TNFSF8: variants seen among roughly 807,000 people sequenced by gnomAD.
TNFSF8 encodes the protein tumor necrosis factor ligand superfamily member 8.
Under a neutral mutation model 22.0 loss-of-function variants are expected in TNFSF8, and 4 were observed. The observed-to-expected ratio is 0.18, with a 90% CI of 0.09 to 0.42. TNFSF8 has a LOEUF of 0.42. TNFSF8 is among the 10% of genes least tolerant of loss of function. TNFSF8 has a pLI of 1.00. For missense variants in TNFSF8, 233 were observed against 281.8 expected (o/e 0.83, Z 1.24); for synonymous variants, 106 against 112.5 (o/e 0.94, Z 0.37).
At chr9:114,924,270 A>C (rs1424488148) in intron 1 of TNFSF8, among the ~76,000 whole-genome samples, 1 of 152,246 alleles carries the variant, frequency 6.6e-6, no homozygotes, top group Non-Finnish European at 1.5e-5. Flanking sequence ...ACACTTTAAA[A>C]AGCAAAGTTC....
At chr9:114,893,947 G>C in exon 5 of TNFSF8, 1 of 700,818 alleles carries the variant, frequency 1.4e-6, no homozygotes, top group East Asian at 2.7e-5. Flanking sequence ...GTTTGTGGGG[G>C]GTGAACCGTT....
At position 114,903,818 on chromosome 9, in the gene TNFSF8, A is replaced by G; in HGVS notation, c.*113T>C. The G allele has an allele frequency of 6.7e-7, 1 of 1,502,078 alleles. No individual in the cohort carries two copies. The highest frequency in any genetic ancestry group is 8.8e-7 in the Non-Finnish European group (1 of 1,133,576). The allele number at this position is 1,502,078 out of a possible 1,614,324, so 93.0% of individuals were successfully genotyped here. A position where few individuals can be genotyped will look rare whatever the true frequency, so the allele number is the denominator to read the frequency against. On this transcript the variant is annotated 3_prime_UTR_variant, in exon 4 of 4. Coordinates refer to ENST00000223795, the MANE Select transcript of TNFSF8 (RefSeq NM_001244.4). ...GACAGAAGGAGAAGTATACTATTTA[A>G]TACCCTGTGTAGTTTGTCTTGGTCT...
intron 2 of TNFSF8, among the ~76,000 whole-genome samples, chr9:114,910,480 T>C (rs1322056): frequency 0.57 from 86,795 of 151,960 alleles, 26,733 homozygotes; most frequent in African/African-American, 0.8. Flanking sequence ...GCTTCTGACT[T>C]CTAATCCAGG....
At chr9:114,926,793 G>A (rs925838191) in intron 1 of TNFSF8, among the ~76,000 whole-genome samples, 1 of 151,970 alleles carries the variant, frequency 6.6e-6, no homozygotes, top group Non-Finnish European at 1.5e-5. Context: ...ATCTGTCAAT[G>A]GTGGTTATCT....
In TNFSF8 at chr9:114,901,462, C is replaced by T. The variant is rs1827716220; in HGVS notation, c.*2469G>A. ...AGTGCAAAAGTCAGGTACCTCTGCTCAGAGAACAGTTGGTGAAAAATGAAA... is the reference window on the plus strand; with the variant it reads ...AGTGCAAAAGTCAGGTACCTCTGCTTAGAGAACAGTTGGTGAAAAATGAAA... On this transcript the variant is annotated 3_prime_UTR_variant, in exon 4 of 4. Transcript: ENST00000223795. 1.0e-6 allele frequency: 1 copy of T among 985,354 alleles called. No individual in the cohort carries two copies. The highest frequency in any genetic ancestry group is 1.2e-6 in the Non-Finnish European group (1 of 829,924). 61.0% of individuals were successfully genotyped at this position (985,354 alleles called of 1,614,324 possible).
chr9:114,909,185 G>T (rs1352086413), intron 2 of TNFSF8, among the ~76,000 whole-genome samples: 1 of 152,200 alleles, frequency 6.6e-6, no homozygotes, highest in Non-Finnish European at 1.5e-5. Flanking sequence ...GTCATCAGCC[G>T]TGTGGCCTGA....
chr9:114,913,397 C>G (rs1169526044), intron 2 of TNFSF8, among the ~76,000 whole-genome samples: 1 of 152,196 alleles, frequency 6.6e-6, no homozygotes, highest in Non-Finnish European at 1.5e-5. Context: ...CTCTAGAACC[C>G]TCGCCATGGA....
intron 1 of TNFSF8, among the ~76,000 whole-genome samples, chr9:114,927,214 C>A (rs1188306340): frequency 6.6e-6 from 1 of 151,144 alleles, no homozygotes; most frequent in East Asian, 1.9e-4. Flanking sequence ...AAAAATATCA[C>A]AGGAAAGAAG....
At chr9:114,899,346 T>TTTA (rs1554775958), downstream of TNFSF8, among the ~76,000 whole-genome samples, 81 of 143,534 alleles carry the variant, frequency 5.6e-4, no homozygotes, top group Non-Finnish European at 2.7e-4. Flanking sequence ...TAAGTTATTA[T>TTTA]TTTTTTTTTT....
At chr9:114,897,883 T>G (rs1481363213), downstream of TNFSF8, among the ~76,000 whole-genome samples, 1 of 152,142 alleles carries the variant, frequency 6.6e-6, no homozygotes, top group Non-Finnish European at 1.5e-5. Flanking sequence ...GCGTGGAATG[T>G]GGAGTTAGGC....
At chr9:114,899,437 T>A (rs557800388), downstream of TNFSF8, among the ~76,000 whole-genome samples, 70 of 151,690 alleles carry the variant, frequency 4.6e-4, no homozygotes, top group African/African-American at 1.7e-3. Flanking sequence ...CATTATACTA[T>A]ACATTGAGTG....
At chr9:114,913,824 TTACTAAGTAC>T (rs1827881717) in intron 2 of TNFSF8, among the ~76,000 whole-genome samples, 1 of 152,186 alleles carries the variant, frequency 6.6e-6, no homozygotes. Context: ...CATGAGTGAA[TTACTAAGTAC>T]TCAGCCAATT....
At chr9:114,922,627 C>T (rs1485998320) in intron 1 of TNFSF8, among the ~76,000 whole-genome samples, 1 of 152,150 alleles carries the variant, frequency 6.6e-6, no homozygotes, top group Non-Finnish European at 1.5e-5. Context: ...CTTCAATGTC[C>T]TGCTACATTG....
chr9:114,899,350 T>TA (rs1400786889), downstream of TNFSF8, among the ~76,000 whole-genome samples: 2 of 147,262 alleles, frequency 1.4e-5, no homozygotes, highest in Admixed American at 6.6e-5. Context: ...TTATTATTTT[T>TA]TTTTTTTTTT....
At chr9:114,919,000 T>C (rs1827953908) in intron 1 of TNFSF8, among the ~76,000 whole-genome samples, 1 of 150,914 alleles carries the variant, frequency 6.6e-6, no homozygotes, top group Admixed American at 6.6e-5. Flanking sequence ...AATAATCAAG[T>C]ATATCATAAA....
chr9:114,925,696 ATTATTT>A (rs1196703749), intron 1 of TNFSF8, among the ~76,000 whole-genome samples: 1 of 152,118 alleles, frequency 6.6e-6, no homozygotes, highest in Non-Finnish European at 1.5e-5. Flanking sequence ...TATTATTATT[ATTATTT>A]TTAAAAAAAG....
chr9:114,916,127 G>A (rs1827915147), intron 2 of TNFSF8, among the ~76,000 whole-genome samples: 1 of 152,030 alleles, frequency 6.6e-6, no homozygotes, highest in African/African-American at 2.4e-5. Flanking sequence ...AATAACTCTG[G>A]CAAAAAACAA....
rs370420527 is a variant in TNFSF8, at chr9:114,893,955, G to A, written c.*124C>T. ...TGATTCTGTTTGTGGGGGGTGAACCGTTTCCTGGCTATGTCGGTTTAGGCC... is the reference window on the plus strand; with the variant it reads ...TGATTCTGTTTGTGGGGGGTGAACCATTTCCTGGCTATGTCGGTTTAGGCC... On this transcript the variant is annotated 3_prime_UTR_variant, in exon 5 of 5. Coordinates refer to the TNFSF8 transcript ENST00000618336. The A allele has an allele frequency of 6.7e-4, 509 of 763,316 alleles. 8 individuals carry two copies. Among genetic ancestry groups the A allele is most frequent in the South Asian group, 5.4e-3 (341 of 62,604 alleles). The allele number at this position is 763,316 out of a possible 1,614,324, so 47.3% of individuals were successfully genotyped here.
At chr9:114,921,180 A>G (rs1055112747) in intron 1 of TNFSF8, among the ~76,000 whole-genome samples, 4 of 152,192 alleles carry the variant, frequency 2.6e-5, no homozygotes, top group Non-Finnish European at 5.9e-5. Flanking sequence ...CTCAAACAGG[A>G]AAGAAACCTG....
Sources: allele counts gnomAD v4.1 joint callset (sites outside exome capture counted in the v4.1 genomes callset), GRCh38; gene constraint gnomAD v4.1.1; transcripts MANE v1.5; gene names NCBI Gene and HGNC (gene_info 2026-07-23, HGNC 2026-07-21).